Variants in NUBP1 observed in about 807,000 individuals in gnomAD.
The protein encoded by NUBP1 is cytosolic Fe-S cluster assembly factor NUBP1.
A neutral mutation model predicts 41.8 loss-of-function variants in NUBP1; 46 were observed. The observed-to-expected ratio is 1.10, with a 90% CI of 0.87 to 1.41. The LOEUF (loss-of-function observed/expected upper bound fraction) is 1.41, where lower values mean the gene tolerates loss of function less well. NUBP1 is among the 40% of genes most tolerant of loss of function. The pLI, the probability that NUBP1 is intolerant of heterozygous loss-of-function variation, is 0.00. For missense variants in NUBP1, 494 were observed against 414.0 expected, an observed-to-expected ratio of 1.19 and a Z score of -1.68; for synonymous variants, 189 against 154.6, an observed-to-expected ratio of 1.22 and a Z score of -1.65.
Position 10,749,052 on chromosome 16 carries a change from C to T in NUBP1, c.258+1776C>T, listed in dbSNP as rs969269220. ...GTCGCGGTGGGCCAAGATTGCCCTA[C>T]TGCACTCCAGCCTGGGTGACAGACA... On this transcript the variant is annotated intron_variant, in intron 3 of 10. Transcript: ENST00000283027. The surrounding 1 kb of genome is among the most constrained non-coding windows in gnomAD (Gnocchi z 4.1). Among the ~76,000 whole-genome samples the T allele has an allele frequency of 2.0e-5, 3 of 150,850 alleles. No homozygotes were observed. The highest frequency in any genetic ancestry group is 6.6e-5 in the Admixed American group (1 of 15,104).
rs773431831 is a variant in NUBP1, at chr16:10,767,972, T to C, written c.844T>C (p.Ser282Pro). The change falls in exon 10 of 11, where the codon TCT (serine) becomes CCT (proline). Residue 282 changes from serine to proline, a missense_variant. Physicochemically the swap from Ser to Pro is moderately conservative, Grantham distance 74 (BLOSUM62 -1). Transcript: ENST00000283027. This position sits in a 1 kb window ranked among gnomAD's most constrained non-coding sequence, Gnocchi z 4.6. ...AGGTAAGAATTGTGACAAAGGCCAG[T>C]CTTTTTTCATTGACGCCCCAGATTC... is the stretch of plus-strand genomic sequence containing the variant. ...LIGKNCDKGQ[S>P]FFIDAPDSPA... 9.3e-6 allele frequency: 15 copies of C among 1,614,082 alleles called. No individual in the cohort carries two copies.
chr16:10,746,157 A>G (rs1343436850), intron 2 of NUBP1, among the ~76,000 whole-genome samples: 2 of 152,346 alleles, frequency 1.3e-5, no homozygotes, highest in East Asian at 1.9e-4. Flanking sequence ...GGAGGACAGC[A>G]GTGTTGGGAG....
chr16:10,761,596 T>A, intron 8 of NUBP1, 122 bp downstream of exon 8: 2 of 1,010,306 alleles, frequency 2.0e-6, no homozygotes, highest in Non-Finnish European at 2.9e-6. Flanking sequence ...GGAATCACAA[T>A]TAAAATCCCT....
intron 4 of NUBP1, among the ~76,000 whole-genome samples, chr16:10,755,456 G>A (rs1266239619): frequency 6.6e-6 from 1 of 152,122 alleles, no homozygotes; most frequent in Non-Finnish European, 1.5e-5. Flanking sequence ...CATCATATTT[G>A]AACTTGAGTA....
intron 3 of NUBP1, among the ~76,000 whole-genome samples, chr16:10,750,364 C>T (rs184708721): frequency 5.9e-5 from 9 of 152,330 alleles, no homozygotes; most frequent in Admixed American, 5.9e-4. Flanking sequence ...GCCTCAGCCT[C>T]TGGAGTACCT....
At position 10,752,602 on chromosome 16, in the gene NUBP1, G is replaced by A. The variant is rs1305635701; in HGVS notation, c.259-8G>A. The stretch of plus-strand genomic sequence containing the variant: ...TATATAACCGCTTTGGTCTCTTCTT[G>A]TCCCCAGATTGCTCTTCTAGACATC... On this transcript the variant is annotated splice_polypyrimidine_tract_variant and splice_region_variant and intron_variant, in intron 3 of 10. Transcript: ENST00000283027. 1.1e-5 allele frequency: 18 copies of A among 1,612,698 alleles called. No individual in the cohort carries two copies. The highest frequency in any genetic ancestry group is 1.5e-5 in the Non-Finnish European group (18 of 1,179,068).
intron 5 of NUBP1, among the ~76,000 whole-genome samples, chr16:10,756,414 A>C (rs140931231): frequency 2.2e-4 from 33 of 152,078 alleles, no homozygotes; most frequent in African/African-American, 7.0e-4. Context: ...AGAGTTAAGG[A>C]GATGACATTT....
Position 10,744,046 on chromosome 16 carries a change from G to T in NUBP1, c.105G>T (p.Ala35=), listed in dbSNP as rs771702602. Residue 35 remains alanine (A), a synonymous_variant, in exon 2 of 11, where the codon GCG becomes GCT. Transcript: ENST00000283027. The part of the protein sequence containing the change: ...CPNQRLCASG[A]GATPDTAIEE... ...ACCAGCGGCTGTGCGCTTCTGGAGC[G>T]GGGGCCACTCCGGACACGGGTGAGA... 6.3e-6 allele frequency: 10 copies of T among 1,582,506 alleles called. No homozygotes were observed. The highest frequency in any genetic ancestry group is 3.9e-5 in the Admixed American group (2 of 51,944).
At position 10,759,277 on chromosome 16, in the gene NUBP1, C is replaced by T. The variant is rs1164790318; in HGVS notation, c.606+1250C>T. ...ACAGCCAATGGAGTGGCAGGCCCAG[C>T]GGCCATGGGAAGGGTGTCCGGGTCA... On this transcript the variant is annotated intron_variant, in intron 7 of 10. Coordinates refer to ENST00000283027, the MANE Select transcript of NUBP1 (RefSeq NM_002484.4). This position sits in a 1 kb window ranked among gnomAD's most constrained non-coding sequence, Gnocchi z 4.7. Among the ~76,000 whole-genome samples the T allele has an allele frequency of 2.6e-5, 4 of 152,118 alleles. No homozygotes were observed. The highest frequency in any genetic ancestry group is 1.9e-4 in the East Asian group (1 of 5,188).
In NUBP1 at chr16:10,767,402, C is replaced by T; in HGVS notation, c.821-547C>T. On this transcript the variant is annotated intron_variant, in intron 9 of 10. Transcript: ENST00000283027. This position sits in a 1 kb window ranked among gnomAD's most constrained non-coding sequence, Gnocchi z 4.6. The stretch of plus-strand genomic sequence containing the variant: ...AGATGACCTGGAAGATAAAATTATA[C>T]ACAGACAAAGCAGCAGGCAGAATGT... 2.5e-6 allele frequency: 1 copy of T among 400,220 alleles called. No homozygotes were observed. The highest frequency in any genetic ancestry group is 4.4e-6 in the Non-Finnish European group (1 of 227,282). 24.8% of individuals were successfully genotyped at this position (400,220 alleles called of 1,614,324 possible). A position where few individuals can be genotyped will look rare whatever the true frequency, so the allele number is the denominator to read the frequency against.
intron 2 of NUBP1, among the ~76,000 whole-genome samples, chr16:10,746,235 T>A (rs1300908809): frequency 6.6e-6 from 1 of 152,218 alleles, no homozygotes; most frequent in Admixed American, 6.5e-5. Flanking sequence ...TTATACCTCG[T>A]GTATTGTTTT....
rs2030967492 is a variant in NUBP1 at position 10,766,915 on chromosome 16, G to A, written c.821-1034G>A. ...TGGCTCAAGTGCGAATTGGCCTTATGTTCCCTGCCTCTGGACCCTATTTTC... is the reference window on the plus strand; with the variant it reads ...TGGCTCAAGTGCGAATTGGCCTTATATTCCCTGCCTCTGGACCCTATTTTC... On this transcript the variant is annotated intron_variant, in intron 9 of 10. Coordinates refer to ENST00000283027, the MANE Select transcript of NUBP1 (RefSeq NM_002484.4). This position sits in a 1 kb window ranked among gnomAD's most constrained non-coding sequence, Gnocchi z 4.8. 2 of 398,506 alleles carry A rather than the reference G, an allele frequency of 5.0e-6. No homozygotes were observed. Among genetic ancestry groups the A allele is most frequent in the Admixed American group, 8.8e-5 (2 of 22,712 alleles). The allele number at this position is 398,506 out of a possible 1,614,324, so 24.7% of individuals were successfully genotyped here.
intron 9 of NUBP1, among the ~76,000 whole-genome samples, chr16:10,764,633 A>C (rs907962660): frequency 2.0e-5 from 3 of 149,376 alleles, no homozygotes; most frequent in Non-Finnish European, 4.4e-5. Context: ...CTATTGGAGC[A>C]TCTCAGTCTG....
chr16:10,758,419 G>A (rs1031026634), intron 7 of NUBP1, among the ~76,000 whole-genome samples: 1 of 152,242 alleles, frequency 6.6e-6, no homozygotes, highest in East Asian at 1.9e-4. Flanking sequence ...GTTGCAGTGA[G>A]CCATGATCAC....
At chr16:10,751,610 C>A (rs1900323569) in intron 3 of NUBP1, among the ~76,000 whole-genome samples, 1 of 152,188 alleles carries the variant, frequency 6.6e-6, no homozygotes, top group African/African-American at 2.4e-5. Flanking sequence ...AAGATGAATA[C>A]TAGCCCTGTT....
rs547395694 is a variant in NUBP1 at position 10,749,300 on chromosome 16, C to A, written c.258+2024C>A. Among the ~76,000 whole-genome samples, 6 of 152,228 alleles carry A rather than the reference C, an allele frequency of 3.9e-5. No homozygotes were observed. Among genetic ancestry groups the A allele is most frequent in the Admixed American group, 2.6e-4 (4 of 15,268 alleles). ...ATCGTTTAGAAGAATCTTTGCTTTTCGAAGCTGTCAGGAATATTCCTAAAC... is the reference window on the plus strand; with the variant it reads ...ATCGTTTAGAAGAATCTTTGCTTTTAGAAGCTGTCAGGAATATTCCTAAAC... On this transcript the variant is annotated intron_variant, in intron 3 of 10. Coordinates refer to ENST00000283027, the MANE Select transcript of NUBP1 (RefSeq NM_002484.4). The surrounding 1 kb of genome is among the most constrained non-coding windows in gnomAD (Gnocchi z 4.1).
rs533965218 is a variant in NUBP1 at position 10,762,688 on chromosome 16, A to G, written c.820+829A>G. ...GGATCCAGGAGTGCCGGCTGCACCC[A>G]TGCCTCGGAACTTCCACTCCATTTG... is the stretch of plus-strand genomic sequence containing the variant. On this transcript the variant is annotated intron_variant, in intron 9 of 10. Coordinates refer to ENST00000283027, the MANE Select transcript of NUBP1 (RefSeq NM_002484.4). Among the ~76,000 whole-genome samples, 6 of 152,148 alleles carry G rather than the reference A, an allele frequency of 3.9e-5. No individual in the cohort carries two copies. In the South Asian group the frequency reaches 6.2e-4, roughly 16 times the overall value.
At chr16:10,745,072 T>G (rs1337207234) in intron 2 of NUBP1, among the ~76,000 whole-genome samples, 1 of 151,438 alleles carries the variant, frequency 6.6e-6, no homozygotes, top group Non-Finnish European at 1.5e-5. Context: ...GGGAGAATCT[T>G]GAAGGAGTTC....
rs1596457431 is a variant in NUBP1, at chr16:10,757,112, C to T, written c.451+332C>T. 6.6e-6 allele frequency among the ~76,000 whole-genome samples: 1 copy of T among 151,918 alleles called. No individual in the cohort carries two copies. The highest frequency in any genetic ancestry group is 2.4e-5 in the African/African-American group (1 of 41,352). ...GTCAGGAGTTCAAGACCAGCCTCGC[C>T]GACATGGTGAAACCCTGTCTCTACC... On this transcript the variant is annotated intron_variant, in intron 6 of 10. Coordinates refer to ENST00000283027, the MANE Select transcript of NUBP1 (RefSeq NM_002484.4). This position sits in a 1 kb window ranked among gnomAD's most constrained non-coding sequence, Gnocchi z 4.1.
Sources: gnomAD v4.1 joint callset for allele counts (sites outside exome capture counted in the v4.1 genomes callset) on GRCh38, gnomAD v4.1.1 for gene constraint, Gnocchi (gnomAD v3.1) non-coding constraint, MANE v1.5 for transcripts, NCBI Gene and HGNC (gene_info 2026-07-23, HGNC 2026-07-21) for gene names.